The following AMN variants were observed in gnomAD, a reference collection of about 807,000 sequenced individuals.
AMN encodes amnion associated transmembrane protein, also known as protein amnionless.
Under a neutral mutation model 49.1 loss-of-function variants are expected in AMN, and 40 were observed. The observed-to-expected ratio is 0.81, with a 90% CI of 0.63 to 1.06. The LOEUF (loss-of-function observed/expected upper bound fraction) is 1.06. Among genes scored for constraint, AMN ranks in the 50% least tolerant of loss-of-function variants. AMN has a pLI of 0.00. For synonymous variants in AMN, 380 were observed against 313.3 expected (o/e 1.21, Z -2.25); for missense variants, 701 against 662.8 (o/e 1.06, Z -0.63).
chr14:102,930,753 C>G lies in AMN; in HGVS notation c.*73C>G. On this transcript the variant is annotated 3_prime_UTR_variant, in exon 12 of 12. Coordinates refer to ENST00000299155, the MANE Select transcript of AMN (RefSeq NM_030943.4). Reference sequence around the variant, plus strand: ...CAGTCGAACTGGGGGCTAGCCACCTCCTCGTCCAGCCCCCAAACCTCCCCT... The same window carrying G: ...CAGTCGAACTGGGGGCTAGCCACCTGCTCGTCCAGCCCCCAAACCTCCCCT... 6.9e-7 allele frequency: 1 copy of G among 1,454,958 alleles called. No homozygotes were observed. Among genetic ancestry groups the G allele is most frequent in the Non-Finnish European group, 9.4e-7 (1 of 1,069,136 alleles). 90.1% of individuals were successfully genotyped at this position (1,454,958 alleles called of 1,614,324 possible).
In AMN at chr14:102,930,063, T is replaced by A. The variant is rs2139312192; in HGVS notation, c.983T>A (p.Leu328His). The A allele has an allele frequency of 6.5e-7, 1 of 1,543,986 alleles. No individual in the cohort carries two copies. Among genetic ancestry groups the A allele is most frequent in the African/African-American group, 1.4e-5 (1 of 72,550 alleles). Residue 328 changes from leucine to histidine, a missense_variant, in exon 9 of 12, where the codon CTC (leucine) becomes CAC (histidine). Transcript: ENST00000299155. ...GGAGCGGGGCGGCTGGCCCGGGCCC[T>A]CCTGGCGGACGTCGCCGAGAACGGT... ...TGGAGRLARALLADVAENGEA... is the reference protein window; with the variant it reads ...TGGAGRLARAHLADVAENGEA...
At position 102,929,176 on chromosome 14, in the gene AMN, T is replaced by A; in HGVS notation, c.569T>A (p.Leu190Gln). Reference protein sequence around the residue: ...AVFLASRAGRLRFHGPGALSV... With the variant: ...AVFLASRAGRQRFHGPGALSV... ...TTCCTGGCGTCCCGCGCGGGCCGCC[T>A]ACGCTTCCACGGGCCGGGCGCGCTG... Residue 190 changes from leucine to glutamine, a missense_variant, in exon 6 of 12, where the codon CTA (leucine) becomes CAA (glutamine). Physicochemically the swap from Leu to Gln is moderately radical, Grantham distance 113. Coordinates refer to ENST00000299155, the MANE Select transcript of AMN (RefSeq NM_030943.4). The A allele has an allele frequency of 1.3e-6, 2 of 1,595,438 alleles. No individual in the cohort carries two copies. Among genetic ancestry groups the A allele is most frequent in the Non-Finnish European group, 1.7e-6 (2 of 1,178,690 alleles).
Position 102,922,989 on chromosome 14 carries a change from C to G in AMN, c.43+258C>G, listed in dbSNP as rs562492639. The G allele has an allele frequency of 3.7e-5, 19 of 510,352 alleles. No individual in the cohort carries two copies. The African/African-American group carries it at 3.8e-4, about 10-fold the overall frequency. 31.6% of individuals were successfully genotyped at this position (510,352 alleles called of 1,614,324 possible). A position where few individuals can be genotyped will look rare whatever the true frequency, so the allele number is the denominator to read the frequency against. ...AACCTCGGCCAGCCCCGGCCTCCGGCGGCTCCTGCCCTCGCGGTTTTTCCG... is the reference window on the plus strand; with the variant it reads ...AACCTCGGCCAGCCCCGGCCTCCGGGGGCTCCTGCCCTCGCGGTTTTTCCG... On this transcript the variant is annotated intron_variant, in intron 1 of 11. Coordinates refer to ENST00000299155, the MANE Select transcript of AMN (RefSeq NM_030943.4).
Position 102,929,933 on chromosome 14 carries a change from C to T in AMN, c.853C>T (p.His285Tyr). The stretch of plus-strand genomic sequence containing the variant: ...CCGTCCCCCTCCCCAGCCTCAGTAC[C>T]ACGGGCTGCAGGTGGCCGTGTCCAA... ...LDTFLGLPQY[H>Y]GLQVAVSKVP... The change falls in exon 9 of 12, where the codon CAC (histidine) becomes TAC (tyrosine). Residue 285 changes from histidine (H) to tyrosine (Y), a missense_variant. Transcript: ENST00000299155. The T allele has an allele frequency of 6.4e-7, 1 of 1,559,424 alleles. No homozygotes were observed.
At position 102,930,671 on chromosome 14, in the gene AMN, C is replaced by T. The variant is rs780432490; in HGVS notation, c.1353C>T (p.Ala451=). 2.5e-6 allele frequency: 4 copies of T among 1,589,306 alleles called. No individual in the cohort carries two copies. In the East Asian group the frequency reaches 9.2e-5, roughly 37 times the overall value. The change falls in exon 12 of 12, where the codon GCC becomes GCT. Residue 451 remains alanine, a synonymous_variant. Coordinates refer to ENST00000299155, the MANE Select transcript of AMN (RefSeq NM_030943.4). ...ACCCTCTGTTCGCCGGGGCCGAGGCCGAGGCCTGAGCGGCCGCCTGACCGT... is the reference window on the plus strand; with the variant it reads ...ACCCTCTGTTCGCCGGGGCCGAGGCTGAGGCCTGAGCGGCCGCCTGACCGT... ...FVNPLFAGAE[A]EA
Position 102,922,738 on chromosome 14 carries a change from C to T in AMN, c.43+7C>T, listed in dbSNP as rs369434844. On this transcript the variant is annotated splice_region_variant and intron_variant, in intron 1 of 11. Transcript: ENST00000299155. ...CTGTGGCTGCAGCTCTGCGGTGAGC[C>T]GGGACCACACCGGTGCGGGCCCGGA... 8 of 1,583,938 alleles carry T rather than the reference C, an allele frequency of 5.1e-6. No individual in the cohort carries two copies. In the Admixed American group the frequency reaches 5.4e-5, roughly 11 times the overall value.
chr14:102,930,530 G>GGCCGGGACTCGGC, intron 11 of AMN, 37 bp downstream of exon 11: 1 of 1,544,516 alleles, frequency 6.5e-7, no homozygotes. Flanking sequence ...GCCTCCTCGG[G>GGCCGGGACTCGGC]GCCGGGACTC....
chr14:102,930,229 C>T lies in AMN; in HGVS notation c.1071C>T (p.Ser357=). The change falls in exon 10 of 12, where the codon TCC becomes TCT. Residue 357 remains serine (S), a synonymous_variant. Coordinates refer to ENST00000299155, the MANE Select transcript of AMN (RefSeq NM_030943.4). The part of the protein sequence containing the change: ...RESGAHVWGS[S]AAGLAGGVAA... ...CGGGCGCACACGTCTGGGGCAGCTC[C>T]GCGGCTGGGCTGGCGGGCGGCGTGG... 2 of 1,397,838 alleles carry T rather than the reference C, an allele frequency of 1.4e-6. No individual in the cohort carries two copies. The highest frequency in any genetic ancestry group is 1.9e-6 in the Non-Finnish European group (2 of 1,078,894). 86.6% of individuals were successfully genotyped at this position (1,397,838 alleles called of 1,614,324 possible). A position where few individuals can be genotyped will look rare whatever the true frequency, so the allele number is the denominator to read the frequency against.
chr14:102,926,193 TTC>T (rs1376350674), intron 3 of AMN, among the ~76,000 whole-genome samples: 1 of 152,230 alleles, frequency 6.6e-6, no homozygotes, highest in Non-Finnish European at 1.5e-5. Context: ...ACTGTGTTTT[TTC>T]TGTTTCGTTT....
intron 9 of AMN, 25 bp downstream of exon 9, chr14:102,930,111 C>T (rs1051374636): frequency 2.6e-6 from 4 of 1,511,034 alleles, no homozygotes; most frequent in Non-Finnish European, 3.5e-6. Flanking sequence ...CCCATCCCGC[C>T]CCGCCGCGCC....
At chr14:102,922,992 C>T (rs1433531639) in intron 1 of AMN, 3 of 508,222 alleles carry the variant, frequency 5.9e-6, no homozygotes, top group Non-Finnish European at 1.0e-5. Flanking sequence ...CCTCCGGCGG[C>T]TCCTGCCCTC....
intron 3 of AMN, among the ~76,000 whole-genome samples, chr14:102,925,218 C>G (rs1474696601): frequency 6.6e-6 from 1 of 152,216 alleles, no homozygotes; most frequent in African/African-American, 2.4e-5. Context: ...GTCGGGGTGT[C>G]GGCTCCAGAT....
chr14:102,923,900 G>A, intron 2 of AMN, 35 bp from the exon 3 acceptor site: 1 of 1,613,012 alleles, frequency 6.2e-7, no homozygotes, highest in Non-Finnish European at 8.5e-7. Context: ...GGTGGGGGTT[G>A]CTCCCGGCTC....
At chr14:102,929,345 C>A in intron 6 of AMN, 83 bp from the exon 7 acceptor site, 1 of 1,500,832 alleles carries the variant, frequency 6.7e-7, no homozygotes, top group Non-Finnish European at 8.8e-7. Flanking sequence ...CACGGTCTCT[C>A]GCCGGCTTGC....
chr14:102,929,109 G>C lies in AMN; in HGVS notation c.514-12G>C. The C allele has an allele frequency of 6.3e-7, 1 of 1,597,580 alleles. No individual in the cohort carries two copies. Among genetic ancestry groups the C allele is most frequent in the Non-Finnish European group, 8.5e-7 (1 of 1,179,622 alleles). On this transcript the variant is annotated splice_polypyrimidine_tract_variant and intron_variant, in intron 5 of 11. Coordinates refer to ENST00000299155, the MANE Select transcript of AMN (RefSeq NM_030943.4). ...CTCGGGCTGGCTCCGGTGGGGACCC[G>C]GCTGCCCGCAGACGTTCACGCGCGA... is the stretch of plus-strand genomic sequence containing the variant.
rs1348057245 is a variant in AMN, at chr14:102,930,154, C to T, written c.1007-11C>T. On this transcript the variant is annotated splice_polypyrimidine_tract_variant and intron_variant, in intron 9 of 11. Coordinates refer to ENST00000299155, the MANE Select transcript of AMN (RefSeq NM_030943.4). ...GCCGCGGGGAAGACTGAGCCGGCCC[C>T]TCCGTCGCAGGCGAGGCCCTCGGCG... The T allele has an allele frequency of 4.0e-6, 6 of 1,492,808 alleles. No homozygotes were observed. The highest frequency in any genetic ancestry group is 4.4e-6 in the Non-Finnish European group (5 of 1,127,906). 92.5% of individuals were successfully genotyped at this position (1,492,808 alleles called of 1,614,324 possible).
At chr14:102,926,438 T>C (rs748470092) in intron 3 of AMN, among the ~76,000 whole-genome samples, 1 of 152,198 alleles carries the variant, frequency 6.6e-6, no homozygotes, top group Non-Finnish European at 1.5e-5. Context: ...CCCTACACTA[T>C]CCACACAGTG....
At chr14:102,927,257 T>G (rs1190232) in intron 3 of AMN, among the ~76,000 whole-genome samples, 100,380 of 152,110 alleles carry the variant, frequency 0.66, 33,864 homozygotes, top group African/African-American at 0.79. Flanking sequence ...TTTTTATTTT[T>G]AAATTTTTTG....
chr14:102,927,277 A>C, intron 3 of AMN, among the ~76,000 whole-genome samples: 1 of 152,162 alleles, frequency 6.6e-6, no homozygotes, highest in East Asian at 1.9e-4. Context: ...GTAGAGATGG[A>C]GTCTCACTAT....
Sources: allele counts gnomAD v4.1 joint callset (sites outside exome capture counted in the v4.1 genomes callset), GRCh38; gene constraint gnomAD v4.1.1; transcripts MANE v1.5; gene names NCBI Gene and HGNC (gene_info 2026-07-23, HGNC 2026-07-21).